SLC4A10: variants seen among roughly 807,000 people sequenced by gnomAD.
SLC4A10 encodes the protein sodium-driven chloride bicarbonate exchanger.
SLC4A10 carries 42 observed loss-of-function variants against 137.7 expected under a neutral mutation model. The observed-to-expected ratio is 0.30, with a 90% confidence interval of 0.24 to 0.39. The LOEUF (loss-of-function observed/expected upper bound fraction) is 0.39, where lower values mean the gene tolerates loss of function less well. Among genes scored for constraint, SLC4A10 ranks in the 10% least tolerant of loss-of-function variants. SLC4A10 has a pLI of 1.00. For synonymous variants in SLC4A10, 474 were observed against 464.1 expected, an observed-to-expected ratio of 1.02 and a Z score of -0.27; for missense variants, 925 against 1,355.0, an observed-to-expected ratio of 0.68 and a Z score of 4.98.
intron 3 of SLC4A10, among the ~76,000 whole-genome samples, chr2:161,810,603 T>C (rs1038590391): frequency 2.6e-5 from 4 of 152,052 alleles, no homozygotes; most frequent in Non-Finnish European, 4.4e-5. Context: ...TTGAAGGCCT[T>C]TTCTGTATCT....
At chr2:161,831,346 A>G (rs1179061181) in intron 3 of SLC4A10, among the ~76,000 whole-genome samples, 2 of 152,118 alleles carry the variant, frequency 1.3e-5, no homozygotes, top group East Asian at 3.8e-4. Flanking sequence ...TAATTGCTCT[A>G]TAGCTGTTAC....
At chr2:161,959,142 G>C (rs570313978) in intron 21 of SLC4A10, among the ~76,000 whole-genome samples, 1 of 152,202 alleles carries the variant, frequency 6.6e-6, no homozygotes, top group South Asian at 2.1e-4. Flanking sequence ...GTGAAGGAAG[G>C]TGTAGAAATA....
intron 1 of SLC4A10, among the ~76,000 whole-genome samples, chr2:161,690,817 GA>G (rs2041908119): frequency 6.6e-6 from 1 of 152,046 alleles, no homozygotes; most frequent in Non-Finnish European, 1.5e-5. Flanking sequence ...ACAGCATCAG[GA>G]AAAATAGCTA....
intron 1 of SLC4A10, among the ~76,000 whole-genome samples, chr2:161,714,523 G>A (rs998301820): frequency 3.9e-5 from 6 of 151,900 alleles, no homozygotes; most frequent in African/African-American, 1.4e-4. Context: ...TTTCTAAAAG[G>A]CAACAGAGAC....
intron 1 of SLC4A10, among the ~76,000 whole-genome samples, chr2:161,657,331 C>T (rs892253404): frequency 6.6e-6 from 1 of 151,914 alleles, no homozygotes; most frequent in Non-Finnish European, 1.5e-5. Context: ...AAGCCTGGCA[C>T]ATAAAAATAG....
rs188441865 is a variant in SLC4A10 at position 161,974,012 on chromosome 2, A to T, written c.3160-237A>T. On this transcript the variant is annotated intron_variant, in intron 23 of 26. Transcript: ENST00000446997. ...ATTAACATGTTTTTTATTGAGTGAC[A>T]TGAAGGAGATTGTTGTTAGCATTTA... is the stretch of plus-strand genomic sequence containing the variant. Among the ~76,000 whole-genome samples, 424 of 152,344 alleles carry T rather than the reference A, an allele frequency of 2.8e-3. 1 individual carries two copies. The highest frequency in any genetic ancestry group is 4.9e-3 in the Non-Finnish European group (335 of 68,032).
chr2:161,721,701 C>T (rs2125122497), intron 1 of SLC4A10, among the ~76,000 whole-genome samples: 1 of 152,246 alleles, frequency 6.6e-6, no homozygotes, highest in South Asian at 2.1e-4. Flanking sequence ...TACGGGGGTT[C>T]TCTGGATTTC....
chr2:161,690,295 A>G (rs1250221644), intron 1 of SLC4A10, among the ~76,000 whole-genome samples: 1 of 152,200 alleles, frequency 6.6e-6, no homozygotes, highest in African/African-American at 2.4e-5. Context: ...TCAAGAAACA[A>G]CAGATGCTGA....
intron 1 of SLC4A10, among the ~76,000 whole-genome samples, chr2:161,698,546 C>T (rs2042783478): frequency 6.6e-6 from 1 of 152,180 alleles, no homozygotes; most frequent in Non-Finnish European, 1.5e-5. Flanking sequence ...AAGGCCTTTT[C>T]TGCATCTATT....
At chr2:161,888,485 G>T (rs1317323920) in intron 10 of SLC4A10, among the ~76,000 whole-genome samples, 1 of 152,136 alleles carries the variant, frequency 6.6e-6, no homozygotes, top group Non-Finnish European at 1.5e-5. Context: ...GTGGTTTCTA[G>T]TTCTCCTTGA....
In SLC4A10 at chr2:161,687,162, C is replaced by T. The variant is rs529383018; in HGVS notation, c.48+62596C>T. ...TGCTGGGATTACAGGCATGGGCCAC[C>T]GCCCCCAGCCTTAAGAAGACTTTTT... On this transcript the variant is annotated intron_variant, in intron 1 of 26. Transcript: ENST00000446997. Among the ~76,000 whole-genome samples, 16 of 152,208 alleles carry T rather than the reference C, an allele frequency of 1.1e-4. No homozygotes were observed. The East Asian group carries it at 1.5e-3, about 15-fold the overall frequency.
chr2:161,887,934 T>G (rs2062486008), intron 10 of SLC4A10, among the ~76,000 whole-genome samples: 1 of 152,212 alleles, frequency 6.6e-6, no homozygotes, highest in African/African-American at 2.4e-5. Flanking sequence ...TTTTAGGGCT[T>G]TAGGTCTTAC....
intron 15 of SLC4A10, among the ~76,000 whole-genome samples, chr2:161,914,310 C>G (rs1434273905): frequency 6.6e-6 from 1 of 152,130 alleles, no homozygotes; most frequent in Non-Finnish European, 1.5e-5. Context: ...GCTCATAGCT[C>G]TCAGTTTTAG....
chr2:161,655,624 A>G (rs1346743982), intron 1 of SLC4A10, among the ~76,000 whole-genome samples: 1 of 152,162 alleles, frequency 6.6e-6, no homozygotes, highest in African/African-American at 2.4e-5. Flanking sequence ...ATTCATGACA[A>G]CCATTTTTAA....
At chr2:161,832,965 C>T (rs1482077165) in intron 3 of SLC4A10, among the ~76,000 whole-genome samples, 6 of 152,170 alleles carry the variant, frequency 3.9e-5, no homozygotes, top group Non-Finnish European at 7.4e-5. Flanking sequence ...TGGTCTCGAT[C>T]TGCTGACCTC....
At chr2:161,861,874 A>G (rs1332236849) in intron 5 of SLC4A10, among the ~76,000 whole-genome samples, 2 of 152,140 alleles carry the variant, frequency 1.3e-5, no homozygotes, top group Non-Finnish European at 2.9e-5. Context: ...GTTCATTTCC[A>G]TTTCACACTG....
At chr2:161,962,707 A>G (rs1696927218) in intron 21 of SLC4A10, among the ~76,000 whole-genome samples, 1 of 152,188 alleles carries the variant, frequency 6.6e-6, no homozygotes, top group African/African-American at 2.4e-5. Flanking sequence ...TAATATATGT[A>G]TGATTCTTAT....
intron 10 of SLC4A10, among the ~76,000 whole-genome samples, chr2:161,888,714 A>G (rs2062586766): frequency 1.3e-5 from 2 of 152,184 alleles, no homozygotes; most frequent in South Asian, 2.1e-4. Flanking sequence ...TTTTCTAAAT[A>G]TACAATCATG....
intron 1 of SLC4A10, among the ~76,000 whole-genome samples, chr2:161,757,211 A>G (rs974591295): frequency 1.3e-5 from 2 of 152,200 alleles, no homozygotes; most frequent in Admixed American, 6.6e-5. Context: ...AGCAACACGC[A>G]GTATTCCCAT....
Sources: gnomAD v4.1 joint callset for allele counts (sites outside exome capture counted in the v4.1 genomes callset) on GRCh38, gnomAD v4.1.1 for gene constraint, MANE v1.5 for transcripts, NCBI Gene and HGNC (gene_info 2026-07-23, HGNC 2026-07-21) for gene names.